Variants in SAMD12 observed in about 807,000 individuals in gnomAD.
SAMD12 encodes sterile alpha motif domain containing 12, also known as sterile alpha motif domain-containing protein 12.
A neutral mutation model predicts 15.0 loss-of-function variants in SAMD12; 9 were observed. That is an observed-to-expected ratio of 0.60 (90% CI 0.36 to 1.05). SAMD12 has a LOEUF of 1.05. Among genes scored for constraint, SAMD12 ranks in the 50% least tolerant of loss-of-function variants. The probability of loss-of-function intolerance (pLI) is 0.01; values close to 1 mark genes in which losing one functional copy is unlikely to be tolerated. For synonymous variants in SAMD12, 86 were observed against 90.1 expected, an observed-to-expected ratio of 0.96 and a Z score of 0.25; for missense variants, 230 against 234.2, an observed-to-expected ratio of 0.98 and a Z score of 0.12.
intron 4 of SAMD12, among the ~76,000 whole-genome samples, chr8:118,226,005 C>T (rs1422182288): frequency 6.6e-6 from 1 of 152,100 alleles, no homozygotes; most frequent in Non-Finnish European, 1.5e-5. Flanking sequence ...CTTTCTGGGT[C>T]ACAGAGATGC....
At chr8:118,418,729 A>G (rs575058387) in intron 3 of SAMD12, among the ~76,000 whole-genome samples, 24 of 152,126 alleles carry the variant, frequency 1.6e-4, no homozygotes, top group African/African-American at 5.5e-4. Context: ...AAAAAAAAAA[A>G]AGAAAAGTCA....
At chr8:118,159,644 T>C in the SAMD12 span, among the ~76,000 whole-genome samples, 1 of 152,178 alleles carries the variant, frequency 6.6e-6, no homozygotes, top group African/African-American at 2.4e-5. Context: ...AGGGCTTTAT[T>C]TCACTAGTGG....
At chr8:118,262,104 A>G (rs543561027) in intron 4 of SAMD12, among the ~76,000 whole-genome samples, 2 of 152,222 alleles carry the variant, frequency 1.3e-5, no homozygotes, top group South Asian at 4.1e-4. Context: ...GTACTGACTC[A>G]GAAGTCACAG....
chr8:118,223,096 T>A (rs1327657073), intron 4 of SAMD12, among the ~76,000 whole-genome samples: 3 of 152,206 alleles, frequency 2.0e-5, no homozygotes, highest in Non-Finnish European at 4.4e-5. Flanking sequence ...TTAAGCAGAA[T>A]GAGAGATATT....
At chr8:118,371,044 G>C (rs1819071499) in intron 4 of SAMD12, among the ~76,000 whole-genome samples, 1 of 152,108 alleles carries the variant, frequency 6.6e-6, no homozygotes, top group African/African-American at 2.4e-5. Flanking sequence ...TTTCATCAAG[G>C]CTATGTCTTT....
At chr8:118,498,529 G>A (rs1824691765) in intron 2 of SAMD12, among the ~76,000 whole-genome samples, 1 of 152,138 alleles carries the variant, frequency 6.6e-6, no homozygotes, top group South Asian at 2.1e-4. Context: ...TGTCACGACT[G>A]CACCCCTTTC....
At chr8:118,137,056 A>C in the SAMD12 span, among the ~76,000 whole-genome samples, 11 of 152,176 alleles carry the variant, frequency 7.2e-5, no homozygotes, top group Admixed American at 2.0e-4. Context: ...GAGTCATTGA[A>C]AATGAAAGCA....
rs145515922 is a variant in SAMD12, at chr8:118,448,359, T to C, written c.193-8398A>G. Among the ~76,000 whole-genome samples, 1,120 of 152,362 alleles carry C rather than the reference T, an allele frequency of 7.4e-3. 5 individuals are homozygous for C. Among genetic ancestry groups the C allele is most frequent in the Middle Eastern group, 0.014 (4 of 294 alleles). On this transcript the variant is annotated intron_variant, in intron 2 of 3. Coordinates refer to ENST00000314727, the MANE Select transcript of SAMD12 (RefSeq NM_207506.3). ...CACTATACAATTCTGTTATTTTTTCTACTGTTTATTATATGTCTCTTCCCA... is the reference window on the plus strand; with the variant it reads ...CACTATACAATTCTGTTATTTTTTCCACTGTTTATTATATGTCTCTTCCCA...
chr8:118,469,199 T>A (rs186508273), intron 2 of SAMD12, among the ~76,000 whole-genome samples: 1 of 151,860 alleles, frequency 6.6e-6, no homozygotes, highest in Admixed American at 6.6e-5. Flanking sequence ...GTTGTGTACT[T>A]TTTTTGTGGA....
At chr8:118,427,548 C>T (rs762439181) in intron 3 of SAMD12, among the ~76,000 whole-genome samples, 2 of 152,154 alleles carry the variant, frequency 1.3e-5, no homozygotes, top group Non-Finnish European at 2.9e-5. Flanking sequence ...ATTGGAATCA[C>T]ATAATATGTG....
intron 4 of SAMD12, among the ~76,000 whole-genome samples, chr8:118,246,783 T>G (rs1416620553): frequency 6.6e-6 from 1 of 152,140 alleles, no homozygotes; most frequent in African/African-American, 2.4e-5. Context: ...TGATGATTTA[T>G]CTGAGTTTTG....
At chr8:118,432,490 A>G (rs925239529) in intron 3 of SAMD12, among the ~76,000 whole-genome samples, 1 of 152,216 alleles carries the variant, frequency 6.6e-6, no homozygotes, top group African/African-American at 2.4e-5. Context: ...TTTCTTTGGC[A>G]AGAGTTTCTA....
chr8:118,159,822 C>T, the SAMD12 span, among the ~76,000 whole-genome samples: 6 of 151,238 alleles, frequency 4.0e-5, no homozygotes, highest in East Asian at 2.0e-4. Context: ...TGGGTTCAAG[C>T]GATTCTCCTG....
intron 2 of SAMD12, among the ~76,000 whole-genome samples, chr8:118,496,997 A>C (rs763502834): frequency 1.1e-4 from 16 of 152,342 alleles, no homozygotes; most frequent in Admixed American, 3.3e-4. Flanking sequence ...TCATTAAAGA[A>C]ATGTAAATCA....
In SAMD12 at chr8:118,355,116, T is replaced by C. The variant is rs192875225; in HGVS notation, c.433+24444A>G. 5.9e-5 allele frequency among the ~76,000 whole-genome samples: 9 copies of C among 152,218 alleles called. No individual in the cohort carries two copies. In the East Asian group the frequency reaches 1.5e-3, roughly 26 times the overall value. On this transcript the variant is annotated intron_variant, in intron 4 of 4. Coordinates refer to the SAMD12 transcript ENST00000409003. ...ATGCTTAGAGCAGTGTAATTTGCAA[T>C]TGCAAAAATATGGAACCAACCCAAA...
intron 3 of SAMD12, among the ~76,000 whole-genome samples, chr8:118,435,291 T>C (rs797005167): frequency 2.2e-4 from 34 of 152,302 alleles, no homozygotes; most frequent in African/African-American, 8.2e-4. Flanking sequence ...ATTATTATGG[T>C]ATATTATTAT....
intron 4 of SAMD12, among the ~76,000 whole-genome samples, chr8:118,322,317 T>C (rs931796120): frequency 6.6e-6 from 1 of 152,268 alleles, no homozygotes; most frequent in African/African-American, 2.4e-5. Context: ...GCTGTGTCTG[T>C]CTGGGTCCCC....
chr8:118,222,470 A>G (rs1812103203), intron 4 of SAMD12, among the ~76,000 whole-genome samples: 1 of 152,180 alleles, frequency 6.6e-6, no homozygotes, highest in African/African-American at 2.4e-5. Flanking sequence ...TGATTTTATA[A>G]TAATCTAAAA....
At chr8:118,218,056 C>T (rs1478856262) in intron 4 of SAMD12, among the ~76,000 whole-genome samples, 1 of 152,200 alleles carries the variant, frequency 6.6e-6, no homozygotes, top group African/African-American at 2.4e-5. Flanking sequence ...GTATAGCTCA[C>T]AGCCCAAGTT....
Sources: gnomAD v4.1 joint callset for allele counts (sites outside exome capture counted in the v4.1 genomes callset) on GRCh38, gnomAD v4.1.1 for gene constraint, MANE v1.5 for transcripts, NCBI Gene and HGNC (gene_info 2026-07-23, HGNC 2026-07-21) for gene names.